SHTN1: variants seen among roughly 807,000 people sequenced by gnomAD.
SHTN1 encodes the protein shootin 1.
A neutral mutation model predicts 83.1 loss-of-function variants in SHTN1; 42 were observed. The ratio of observed to expected loss-of-function variants is 0.51; its 90% confidence interval spans 0.39 to 0.65. The LOEUF (loss-of-function observed/expected upper bound fraction) is 0.65, where lower values mean the gene tolerates loss of function less well. Ranked by LOEUF, SHTN1 falls within the 30% of genes least tolerant of loss-of-function variation. The pLI is 0.00. For missense variants in SHTN1, 622 were observed against 737.8 expected (o/e 0.84, Z 1.82); for synonymous variants, 224 against 247.7 (o/e 0.90, Z 0.90).
At chr10:116,970,173 A>T (rs1337660488) in intron 2 of SHTN1, among the ~76,000 whole-genome samples, 2 of 152,224 alleles carry the variant, frequency 1.3e-5, no homozygotes, top group Non-Finnish European at 2.9e-5. Context: ...GAAATCTCAT[A>T]GACCACTGAT....
At position 116,943,490 on chromosome 10, in the gene SHTN1, C is replaced by A. The variant is rs117819076; in HGVS notation, c.711+1434G>T. ...TCCCCCTCCACTGTTTATTTCACTG[C>A]ATTATTTATATTGCTCCAACGTTTT... On this transcript the variant is annotated intron_variant, in intron 8 of 16. Coordinates refer to ENST00000355371, the MANE Select transcript of SHTN1 (RefSeq NM_001127211.3). Among the ~76,000 whole-genome samples, 1,199 of 152,304 alleles carry A rather than the reference C, an allele frequency of 7.9e-3. 19 individuals are homozygous for A. Among genetic ancestry groups the A allele is most frequent in the South Asian group, 0.052 (253 of 4,830 alleles).
At chr10:117,093,781 A>G (rs961694011) in intron 1 of SHTN1, among the ~76,000 whole-genome samples, 6 of 152,158 alleles carry the variant, frequency 3.9e-5, no homozygotes, top group Non-Finnish European at 8.8e-5. Context: ...TGTCAGTGCT[A>G]TTGTGCAGGT....
upstream of SHTN1, among the ~76,000 whole-genome samples, chr10:117,005,770 C>T (rs1851995995): frequency 6.6e-6 from 1 of 152,234 alleles, no homozygotes; most frequent in African/African-American, 2.4e-5. Context: ...CCCTGGCTAG[C>T]TTTCCCCCAT....
chr10:117,086,112 G>A (rs1853347696), intron 1 of SHTN1, among the ~76,000 whole-genome samples: 1 of 152,016 alleles, frequency 6.6e-6, no homozygotes, highest in Non-Finnish European at 1.5e-5. Context: ...TAGAGACGGG[G>A]TTTCACCATG....
At chr10:117,073,726 A>G (rs911507176) in intron 1 of SHTN1, among the ~76,000 whole-genome samples, 3 of 152,176 alleles carry the variant, frequency 2.0e-5, no homozygotes, top group Non-Finnish European at 2.9e-5. Context: ...GCTGGAAGAC[A>G]ACTCAGTAAC....
At chr10:117,027,502 CT>C (rs57037007) in intron 2 of SHTN1, among the ~76,000 whole-genome samples, 3 of 149,952 alleles carry the variant, frequency 2.0e-5, no homozygotes, top group African/African-American at 7.4e-5. Context: ...TCAGGCATTT[CT>C]TTTTTTTTCT....
intron 6 of SHTN1, among the ~76,000 whole-genome samples, chr10:116,949,662 A>G (rs541144385): frequency 2.6e-5 from 4 of 152,326 alleles, no homozygotes; most frequent in Admixed American, 2.6e-4. Context: ...CTTAAAGTAT[A>G]ATAATTTAAA....
At chr10:116,961,944 T>C (rs1315202022) in intron 3 of SHTN1, among the ~76,000 whole-genome samples, 1 of 152,134 alleles carries the variant, frequency 6.6e-6, no homozygotes, top group African/African-American at 2.4e-5. Flanking sequence ...TGATGAGAGG[T>C]ACAGATGCCT....
chr10:117,054,873 T>C (rs1324811269), intron 1 of SHTN1, among the ~76,000 whole-genome samples: 1 of 152,150 alleles, frequency 6.6e-6, no homozygotes, highest in East Asian at 1.9e-4. Flanking sequence ...ATATCTTCCA[T>C]ATATTGATTT....
chr10:117,055,051 G>A (rs1455197601), intron 1 of SHTN1, among the ~76,000 whole-genome samples: 1 of 152,134 alleles, frequency 6.6e-6, no homozygotes, highest in Non-Finnish European at 1.5e-5. Context: ...TTAAAATCAT[G>A]GCAGAAGATG....
At chr10:117,065,809 G>A (rs1489228076) in intron 1 of SHTN1, among the ~76,000 whole-genome samples, 2 of 70,934 alleles carry the variant, frequency 2.8e-5, no homozygotes, top group African/African-American at 6.4e-5. Context: ...AGGAAGGAAG[G>A]AAGGAAGGAA....
At chr10:116,956,909 G>A (rs1564897552) in intron 4 of SHTN1, among the ~76,000 whole-genome samples, 2 of 152,082 alleles carry the variant, frequency 1.3e-5, no homozygotes, top group South Asian at 4.2e-4. Flanking sequence ...ATATATATGA[G>A]GGTTTTTTTT....
chr10:117,119,417 C>T (rs1480723072), intron 1 of SHTN1, among the ~76,000 whole-genome samples: 1 of 152,046 alleles, frequency 6.6e-6, no homozygotes, highest in East Asian at 1.9e-4. Context: ...AGAAGATATA[C>T]AAATGACAAA....
intron 15 of SHTN1, 23 bp from the exon 16 acceptor site, chr10:116,901,980 A>G: frequency 6.4e-7 from 1 of 1,555,318 alleles, no homozygotes. Context: ...CACATACCTC[A>G]AGTTTAATAA....
chr10:116,911,219 G>C (rs958025006), intron 14 of SHTN1, among the ~76,000 whole-genome samples: 2 of 152,150 alleles, frequency 1.3e-5, no homozygotes, highest in Non-Finnish European at 2.9e-5. Flanking sequence ...AGTTTGAAAA[G>C]CAAAAATATG....
rs1361138048 is a variant in SHTN1 at position 116,901,882 on chromosome 10, G to A, written c.1556C>T (p.Thr519Ile). 2 of 1,608,370 alleles carry A rather than the reference G, an allele frequency of 1.2e-6. No individual in the cohort carries two copies. Among genetic ancestry groups the A allele is most frequent in the Admixed American group, 3.4e-5 (2 of 58,466 alleles). Residue 519 changes from threonine (T) to isoleucine (I), a missense_variant, in exon 16 of 17, where the codon ACA becomes ATA. Thr to Ile is a moderately conservative substitution (Grantham distance 89). Around this residue, in one of 3 missense-constraint regions of SHTN1, gnomAD observed 231 missense variants for 251.6 expected, o/e 0.92. Transcript: ENST00000355371. ...CTCCAGAGTTTTCTTGTTCAAGGCT[G>A]TTTTTGTTACACTGGATACAGAACC... ...VLGSVSSVTK[T>I]ALNKKTLEAE...
At chr10:116,899,540 TGTGTGTGAGA>T (rs1448776820) in intron 16 of SHTN1, among the ~76,000 whole-genome samples, 2,796 of 91,300 alleles carry the variant, frequency 0.031, 54 homozygotes, top group African/African-American at 0.048. Context: ...TGTGTGTGTG[TGTGTGTGAGA>T]GAGTGCATGC....
At chr10:117,005,456 G>A (rs1851987135), upstream of SHTN1, 1 of 1,042,982 alleles carries the variant, frequency 9.6e-7, no homozygotes, top group Non-Finnish European at 1.2e-6. Flanking sequence ...TCCACCTCCC[G>A]GACTCAGGGA....
intron 1 of SHTN1, among the ~76,000 whole-genome samples, chr10:117,099,543 G>A (rs570707246): frequency 4.6e-5 from 7 of 152,110 alleles, no homozygotes; most frequent in Non-Finnish European, 7.4e-5. Flanking sequence ...TTAAATAGTG[G>A]GGCTAAAATT....
Sources: gnomAD v4.1 joint callset for allele counts (sites outside exome capture counted in the v4.1 genomes callset) on GRCh38, gnomAD v4.1.1 for gene constraint, gnomAD v4.1.1 regional missense constraint, MANE v1.5 for transcripts, NCBI Gene and HGNC (gene_info 2026-07-23, HGNC 2026-07-21) for gene names.